EYA2: variants seen among roughly 807,000 people sequenced by gnomAD.
The protein encoded by EYA2 is protein phosphatase EYA2.
A neutral mutation model predicts 69.2 loss-of-function variants in EYA2; 31 were observed. That is an observed-to-expected ratio of 0.45 (90% confidence interval 0.34 to 0.60). The LOEUF (loss-of-function observed/expected upper bound fraction) is 0.60, where lower values mean the gene tolerates loss of function less well. EYA2 is among the 20% of genes least tolerant of loss of function. The pLI, the probability that EYA2 is intolerant of heterozygous loss-of-function variation, is 0.02. For synonymous variants in EYA2, 257 were observed against 279.4 expected (o/e 0.92, Z 0.80); for missense variants, 622 against 701.2 (o/e 0.89, Z 1.28).
rs569126057 is a variant in EYA2, at chr20:47,082,665, G to C, written c.662-6574G>C. Among the ~76,000 whole-genome samples, 3 of 152,200 alleles carry C rather than the reference G, an allele frequency of 2.0e-5. No individual in the cohort carries two copies. In the East Asian group the frequency reaches 5.8e-4, roughly 29 times the overall value. On this transcript the variant is annotated intron_variant, in intron 7 of 15. Coordinates refer to ENST00000327619, the MANE Select transcript of EYA2 (RefSeq NM_005244.5). ...CAGCTCTTCCCAAATTGAGCTATAA[G>C]ATTAATACAATCTCTATCAACATCT...
At chr20:46,962,910 G>T (rs1273221088) in intron 1 of EYA2, among the ~76,000 whole-genome samples, 4 of 152,216 alleles carry the variant, frequency 2.6e-5, no homozygotes, top group Non-Finnish European at 4.4e-5. Flanking sequence ...TTGCCTGCCT[G>T]CGTGGCAAGT....
At chr20:47,097,622 T>G (rs1057453463) in intron 9 of EYA2, among the ~76,000 whole-genome samples, 2 of 152,228 alleles carry the variant, frequency 1.3e-5, no homozygotes, top group African/African-American at 4.8e-5. Flanking sequence ...CCAGTGTGGA[T>G]CTTAGCAATC....
intron 1 of EYA2, among the ~76,000 whole-genome samples, chr20:46,976,029 C>T (rs1450818183): frequency 6.6e-6 from 1 of 152,098 alleles, no homozygotes; most frequent in African/African-American, 2.4e-5. Context: ...AAGGATGGTG[C>T]TCTGAATAGG....
chr20:47,083,204 G>T (rs2031781784), intron 7 of EYA2, among the ~76,000 whole-genome samples: 1 of 152,082 alleles, frequency 6.6e-6, no homozygotes, highest in African/African-American at 2.4e-5. Flanking sequence ...GTAAATAAAT[G>T]AATTAACCCA....
chr20:47,109,204 C>T (rs1354709468), intron 9 of EYA2, among the ~76,000 whole-genome samples: 1 of 152,190 alleles, frequency 6.6e-6, no homozygotes, highest in Admixed American at 6.5e-5. Context: ...GCCAATTCCT[C>T]CTGAACAAAT....
intron 1 of EYA2, among the ~76,000 whole-genome samples, chr20:46,948,118 AAAAAAGAAAAAG>A (rs1354309081): frequency 4.0e-5 from 6 of 151,614 alleles, no homozygotes; most frequent in East Asian, 1.9e-4. Flanking sequence ...TCAAAAAAAA[AAAAAAGAAAAAG>A]AAAAAAGAAA....
chr20:46,964,796 G>C (rs1979676530), intron 1 of EYA2, among the ~76,000 whole-genome samples: 1 of 152,212 alleles, frequency 6.6e-6, no homozygotes, highest in Non-Finnish European at 1.5e-5. Flanking sequence ...TGGCACTCCA[G>C]CCGGGCAGTG....
chr20:46,999,783 A>G (rs933787956), intron 2 of EYA2, among the ~76,000 whole-genome samples: 7 of 152,214 alleles, frequency 4.6e-5, no homozygotes, highest in African/African-American at 1.7e-4. Context: ...TTCAAGTCCC[A>G]GTTCCCTTGC....
At chr20:46,928,107 A>T (rs1321778660) in intron 1 of EYA2, among the ~76,000 whole-genome samples, 1 of 152,208 alleles carries the variant, frequency 6.6e-6, no homozygotes. Flanking sequence ...AGGAACAGAG[A>T]CATAAAGGGT....
At chr20:47,138,696 A>G (rs1341601614) in intron 9 of EYA2, among the ~76,000 whole-genome samples, 3 of 151,990 alleles carry the variant, frequency 2.0e-5, no homozygotes, top group African/African-American at 7.2e-5. Context: ...TCGAGGCTGC[A>G]GTGAGCCAAG....
In EYA2 at chr20:47,185,276, C is replaced by CTTTTTTTTTTT. The variant is rs765083065; in HGVS notation, c.1536+1917_1536+1927dup. On this transcript the variant is annotated intron_variant, in intron 15 of 15. Coordinates refer to ENST00000327619, the MANE Select transcript of EYA2 (RefSeq NM_005244.5). ...CTCTCCCAGAAAAATGAATCACACT[C>CTTTTTTTTTTT]TTTTTTTTTTTTTTTTTTTTTTTTT... Among the ~76,000 whole-genome samples, 16 of 55,932 alleles carry CTTTTTTTTTTT rather than the reference C, an allele frequency of 2.9e-4. 3 individuals carry two copies. Among genetic ancestry groups the CTTTTTTTTTTT allele is most frequent in the East Asian group, 1.3e-3 (2 of 1,514 alleles). 36.7% of individuals were successfully genotyped at this position (55,932 alleles called of 152,430 possible).
At chr20:47,072,106 T>A in intron 5 of EYA2, 79 bp from the exon 6 acceptor site, 16 of 1,314,574 alleles carry the variant, frequency 1.2e-5, no homozygotes, top group Non-Finnish European at 1.3e-5. Flanking sequence ...GGAGGGAGGT[T>A]CATGAAATGC....
rs1401784961 is a variant in EYA2, at chr20:47,014,269, TC to T, written c.299-1911del. Among the ~76,000 whole-genome samples the T allele has an allele frequency of 2.6e-5, 4 of 152,174 alleles. No homozygotes were observed. In the East Asian group the frequency reaches 7.7e-4, roughly 29 times the overall value. ...CCCAGATTTCCTGACTCACAATCTA[TC>T]TGTTTTTACCTTACTAAGCATTCTC... On this transcript the variant is annotated intron_variant, in intron 4 of 15. Coordinates refer to ENST00000327619, the MANE Select transcript of EYA2 (RefSeq NM_005244.5).
chr20:47,182,808 G>T (rs189929275), intron 14 of EYA2, among the ~76,000 whole-genome samples: 1 of 151,448 alleles, frequency 6.6e-6, no homozygotes, highest in Non-Finnish European at 1.5e-5. Flanking sequence ...GTGGTGATGC[G>T]TGCCTACAGT....
At chr20:47,025,330 A>G (rs1538913) in intron 5 of EYA2, among the ~76,000 whole-genome samples, 100,263 of 152,106 alleles carry the variant, frequency 0.66, 35,584 homozygotes, top group Non-Finnish European at 0.8. Context: ...TTTAGTGCAC[A>G]GGTTTGCATA....
chr20:47,157,991 G>A (rs1014882035), intron 10 of EYA2, among the ~76,000 whole-genome samples: 10 of 152,038 alleles, frequency 6.6e-5, no homozygotes, highest in East Asian at 2.0e-4. Flanking sequence ...GACAAATTGC[G>A]GTCGTCGCTG....
chr20:46,904,533 T>G (rs1984263743), intron 1 of EYA2, among the ~76,000 whole-genome samples: 1 of 152,122 alleles, frequency 6.6e-6, no homozygotes, highest in Admixed American at 6.5e-5. Context: ...AACTTGAGAC[T>G]TCAACGCTGC....
chr20:47,111,975 A>AT (rs200022742), intron 9 of EYA2, among the ~76,000 whole-genome samples: 4,065 of 151,326 alleles, frequency 0.027, 84 homozygotes, highest in South Asian at 0.058. Context: ...ACAAAAAAAA[A>AT]TTTTTTTTTC....
chr20:46,932,585 T>C (rs1365759475), intron 1 of EYA2, among the ~76,000 whole-genome samples: 1 of 152,194 alleles, frequency 6.6e-6, no homozygotes, highest in Non-Finnish European at 1.5e-5. Flanking sequence ...CTGATGCTGT[T>C]AAAGTGTTTG....
Sources: allele counts gnomAD v4.1 joint callset (sites outside exome capture counted in the v4.1 genomes callset), GRCh38; gene constraint gnomAD v4.1.1; transcripts MANE v1.5; gene names NCBI Gene and HGNC (gene_info 2026-07-23, HGNC 2026-07-21).